The following RORA variants were observed in gnomAD, a reference collection of about 807,000 sequenced individuals.
RORA encodes the protein RAR related orphan receptor A.
Under a neutral mutation model 69.5 loss-of-function variants are expected in RORA, and 7 were observed. The observed-to-expected ratio is 0.10, with a 90% CI of 0.06 to 0.19. RORA has a LOEUF of 0.19. RORA is among the 10% of genes least tolerant of loss of function. The probability of loss-of-function intolerance (pLI) is 1.00; values close to 1 mark genes in which losing one functional copy is unlikely to be tolerated. For synonymous variants in RORA, 261 were observed against 240.8 expected (o/e 1.08, Z -0.78); for missense variants, 457 against 663.0 (o/e 0.69, Z 3.41).
chr15:61,060,666 C>T (rs938659576), intron 1 of RORA, among the ~76,000 whole-genome samples: 44 of 152,222 alleles, frequency 2.9e-4, no homozygotes, highest in Non-Finnish European at 5.1e-4. Flanking sequence ...GTTTGGGATG[C>T]GCTTCAGTGA....
chr15:61,114,215 A>C (rs1488687826), intron 1 of RORA, among the ~76,000 whole-genome samples: 3 of 152,054 alleles, frequency 2.0e-5, no homozygotes, highest in Non-Finnish European at 4.4e-5. Flanking sequence ...TTGCCTATCC[A>C]ATGTCATCTC....
At chr15:60,917,427 G>A (rs895796393) in intron 1 of RORA, among the ~76,000 whole-genome samples, 6 of 152,160 alleles carry the variant, frequency 3.9e-5, no homozygotes, top group African/African-American at 7.2e-5. Context: ...GAGTAACAGC[G>A]TTAGTTTTCT....
intron 5 of RORA, among the ~76,000 whole-genome samples, chr15:60,508,356 A>C (rs1480416780): frequency 6.6e-6 from 1 of 152,228 alleles, no homozygotes; most frequent in African/African-American, 2.4e-5. Flanking sequence ...AGTTAGTCAC[A>C]GATTTTCATA....
chr15:60,750,034 A>G (rs952602408), intron 1 of RORA, among the ~76,000 whole-genome samples: 12 of 152,218 alleles, frequency 7.9e-5, no homozygotes, highest in Non-Finnish European at 1.5e-4. Context: ...TGTCTTAAAA[A>G]CAATATAGCT....
chr15:60,712,255 A>G (rs574610003), intron 1 of RORA, among the ~76,000 whole-genome samples: 100 of 152,332 alleles, frequency 6.6e-4, no homozygotes, highest in African/African-American at 2.4e-3. Context: ...ATTTTTAAAA[A>G]AGTTGAAGTA....
rs200428665 is a variant in RORA at position 61,061,391 on chromosome 15, A to AC, written c.166+167661_166+167662insG. On this transcript the variant is annotated intron_variant, in intron 1 of 10. Transcript: ENST00000335670. This position sits in a 1 kb window ranked among gnomAD's most constrained non-coding sequence, Gnocchi z 4.4. Reference sequence around the variant, plus strand: ...TAAATAAATAAATAAATAAATAAATAAATAAATACAAGGGCATCGCAGGAA... The same window carrying AC: ...TAAATAAATAAATAAATAAATAAATACAATAAATACAAGGGCATCGCAGGAA... Among the ~76,000 whole-genome samples the AC allele has an allele frequency of 0.08, 12,066 of 150,214 alleles. 601 individuals carry two copies. Among genetic ancestry groups the AC allele is most frequent in the South Asian group, 0.13 (606 of 4,768 alleles).
chr15:61,056,824 A>G (rs926837329), intron 1 of RORA, among the ~76,000 whole-genome samples: 2 of 152,214 alleles, frequency 1.3e-5, no homozygotes, highest in Non-Finnish European at 2.9e-5. Context: ...ACCAATCACT[A>G]CTTCTGCTGA....
intron 1 of RORA, among the ~76,000 whole-genome samples, chr15:60,853,869 C>T (rs76633761): frequency 0.026 from 3,891 of 152,250 alleles, 60 homozygotes; most frequent in Middle Eastern, 0.061. Flanking sequence ...ACTGTAATTC[C>T]GCAATGTTTT....
chr15:60,901,250 C>T (rs540711955), intron 1 of RORA, among the ~76,000 whole-genome samples: 3 of 152,266 alleles, frequency 2.0e-5, no homozygotes, highest in East Asian at 1.9e-4. Context: ...CAGCTCACTG[C>T]AACCACTCCC....
In RORA at chr15:61,220,926, G is replaced by A. The variant is rs546903519; in HGVS notation, c.166+8127C>T. On this transcript the variant is annotated intron_variant, in intron 1 of 10. Coordinates refer to ENST00000335670, the MANE Select transcript of RORA (RefSeq NM_134261.3). Reference sequence around the variant, plus strand: ...TAGAGGCTCCCTGCCTTCATCCACAGCCCCCACTCCCCAGCCCCAAACAGG... The same window carrying A: ...TAGAGGCTCCCTGCCTTCATCCACAACCCCCACTCCCCAGCCCCAAACAGG... Among the ~76,000 whole-genome samples, 56 of 152,180 alleles carry A rather than the reference G, an allele frequency of 3.7e-4. 1 individual carries two copies. In the South Asian group the frequency reaches 0.011, roughly 30 times the overall value.
chr15:60,878,442 C>G (rs1250596433), intron 1 of RORA, among the ~76,000 whole-genome samples: 3 of 151,642 alleles, frequency 2.0e-5, no homozygotes, highest in Non-Finnish European at 4.4e-5. Flanking sequence ...ACAGAGAGAG[C>G]TACAAATTTG....
At chr15:60,615,419 G>C (rs1309777959) in intron 2 of RORA, among the ~76,000 whole-genome samples, 4 of 152,164 alleles carry the variant, frequency 2.6e-5, no homozygotes, top group Non-Finnish European at 4.4e-5. Context: ...AATGAGAAGG[G>C]GAGGGAAGAT....
intron 1 of RORA, among the ~76,000 whole-genome samples, chr15:61,108,881 A>G (rs1414999874): frequency 6.6e-6 from 1 of 152,160 alleles, no homozygotes; most frequent in Non-Finnish European, 1.5e-5. Context: ...ACTGTCTGTA[A>G]AAAGCACTAA....
At chr15:60,756,111 A>G (rs895483578) in intron 1 of RORA, among the ~76,000 whole-genome samples, 1 of 152,228 alleles carries the variant, frequency 6.6e-6, no homozygotes, top group Non-Finnish European at 1.5e-5. Context: ...AGTTTCTGCA[A>G]TGTTCATATC....
At chr15:61,057,528 A>G (rs974251384) in intron 1 of RORA, among the ~76,000 whole-genome samples, 2 of 152,236 alleles carry the variant, frequency 1.3e-5, no homozygotes, top group Non-Finnish European at 2.9e-5. Context: ...TCAGCTCATA[A>G]CACTGACATG....
intron 1 of RORA, among the ~76,000 whole-genome samples, chr15:60,827,978 G>A (rs1400214992): frequency 6.6e-6 from 1 of 152,210 alleles, no homozygotes; most frequent in East Asian, 1.9e-4. Context: ...ATTAGTACTG[G>A]ATGAAGTAAG....
intron 1 of RORA, among the ~76,000 whole-genome samples, chr15:60,737,742 T>C (rs1005466353): frequency 6.6e-6 from 1 of 152,232 alleles, no homozygotes; most frequent in African/African-American, 2.4e-5. Flanking sequence ...CCATAGATTG[T>C]GTGAACTGTC....
intron 2 of RORA, among the ~76,000 whole-genome samples, chr15:60,583,429 A>G (rs1489140235): frequency 6.6e-6 from 1 of 152,244 alleles, no homozygotes; most frequent in South Asian, 2.1e-4. Context: ...CTTCTGCAGT[A>G]AGACTCTTAG....
intron 1 of RORA, among the ~76,000 whole-genome samples, chr15:60,770,513 G>A (rs1257637467): frequency 1.3e-5 from 2 of 152,194 alleles, no homozygotes; most frequent in African/African-American, 4.8e-5. Context: ...GGTAATTCAT[G>A]AGTTTCAGCT....
Sources: allele counts gnomAD v4.1 joint callset (sites outside exome capture counted in the v4.1 genomes callset), GRCh38; gene constraint gnomAD v4.1.1; non-coding constraint Gnocchi (gnomAD v3.1); transcripts MANE v1.5; gene names NCBI Gene and HGNC (gene_info 2026-07-23, HGNC 2026-07-21).